Variants in GPC5 observed in about 807,000 individuals in gnomAD.
GPC5 encodes the protein glypican-5.
A neutral mutation model predicts 53.9 loss-of-function variants in GPC5; 47 were observed. The observed-to-expected ratio is 0.87, with a 90% CI of 0.69 to 1.11. The LOEUF (loss-of-function observed/expected upper bound fraction) is 1.11, where lower values mean the gene tolerates loss of function less well. GPC5 is among the 50% of genes most tolerant of loss of function. GPC5 has a pLI of 0.00. For missense variants in GPC5, 748 were observed against 713.1 expected (o/e 1.05, Z -0.56); for synonymous variants, 286 against 263.3 (o/e 1.09, Z -0.84).
chr13:92,862,315 T>C (rs1301661307), intron 7 of GPC5, among the ~76,000 whole-genome samples: 1 of 152,212 alleles, frequency 6.6e-6, no homozygotes, highest in East Asian at 1.9e-4. Flanking sequence ...TTCAACAATA[T>C]TAATTAAAAG....
chr13:91,666,540 C>A (rs149400292), intron 2 of GPC5, among the ~76,000 whole-genome samples: 124 of 152,122 alleles, frequency 8.2e-4, no homozygotes, highest in South Asian at 2.1e-3. Flanking sequence ...AATTGCATTT[C>A]ATTTACATAT....
chr13:92,337,145 A>G (rs1305286442), intron 7 of GPC5, among the ~76,000 whole-genome samples: 3 of 151,974 alleles, frequency 2.0e-5, no homozygotes. Context: ...TCTAGTGAAC[A>G]AATGTAATTT....
intron 6 of GPC5, among the ~76,000 whole-genome samples, chr13:92,054,155 TG>T (rs2041055420): frequency 2.0e-4 from 8 of 39,056 alleles, no homozygotes; most frequent in Non-Finnish European, 6.8e-5. Context: ...GAGGGGTGTG[TG>T]TGTGTGTGTG....
intron 7 of GPC5, among the ~76,000 whole-genome samples, chr13:92,151,523 A>T (rs563753518): frequency 3.3e-5 from 5 of 152,168 alleles, no homozygotes; most frequent in African/African-American, 4.8e-5. Context: ...TTGGAACTGT[A>T]ACACTTAGGC....
intron 4 of GPC5, among the ~76,000 whole-genome samples, chr13:91,743,184 A>G (rs975445948): frequency 6.6e-5 from 10 of 152,094 alleles, no homozygotes; most frequent in Non-Finnish European, 1.3e-4. Context: ...TTTCCTTTGG[A>G]AAGTCAGTAA....
chr13:92,757,176 C>A (rs575203600), intron 7 of GPC5, among the ~76,000 whole-genome samples: 4 of 152,156 alleles, frequency 2.6e-5, no homozygotes, highest in African/African-American at 4.8e-5. Flanking sequence ...GAAATAACGC[C>A]GCATATCTAC....
chr13:92,127,907 G>A (rs1441145086), intron 6 of GPC5, among the ~76,000 whole-genome samples: 1 of 152,028 alleles, frequency 6.6e-6, no homozygotes, highest in African/African-American at 2.4e-5. Flanking sequence ...TGTACACCAG[G>A]CCAGGAAATT....
chr13:92,464,133 C>T (rs1878599126), intron 7 of GPC5, among the ~76,000 whole-genome samples: 1 of 152,136 alleles, frequency 6.6e-6, no homozygotes, highest in Non-Finnish European at 1.5e-5. Context: ...CAAAGTTATA[C>T]AATTTATCAC....
At chr13:92,300,932 T>A (rs1353247548) in intron 7 of GPC5, among the ~76,000 whole-genome samples, 1 of 152,216 alleles carries the variant, frequency 6.6e-6, no homozygotes, top group Non-Finnish European at 1.5e-5. Context: ...TCCTGTTCCT[T>A]TTCATTGAAA....
chr13:92,451,795 G>C, intron 7 of GPC5, among the ~76,000 whole-genome samples: 1 of 152,122 alleles, frequency 6.6e-6, no homozygotes. Flanking sequence ...ATTGTCAAAG[G>C]TTGGGTCAGA....
intron 2 of GPC5, among the ~76,000 whole-genome samples, chr13:91,632,798 A>T (rs2034192207): frequency 6.6e-6 from 1 of 152,194 alleles, no homozygotes. Context: ...ATCCTGACAC[A>T]GGGCTATGTC....
intron 7 of GPC5, among the ~76,000 whole-genome samples, chr13:92,774,003 C>G (rs1174305509): frequency 1.3e-5 from 2 of 152,178 alleles, no homozygotes; most frequent in African/African-American, 2.4e-5. Context: ...CATCAGATCT[C>G]ATGAGACTTA....
intron 7 of GPC5, among the ~76,000 whole-genome samples, chr13:92,511,920 T>C (rs1880580564): frequency 6.6e-6 from 1 of 152,126 alleles, no homozygotes; most frequent in Non-Finnish European, 1.5e-5. Flanking sequence ...GAGTGCAGGC[T>C]GGAGAAGTGG....
intron 2 of GPC5, among the ~76,000 whole-genome samples, chr13:91,658,087 C>T (rs2034891114): frequency 6.6e-6 from 1 of 151,928 alleles, no homozygotes; most frequent in African/African-American, 2.4e-5. Context: ...CATATAAATA[C>T]ATATTAAAAT....
At chr13:92,398,490 A>G (rs191055002) in intron 7 of GPC5, among the ~76,000 whole-genome samples, 1 of 151,712 alleles carries the variant, frequency 6.6e-6, no homozygotes, top group Admixed American at 6.6e-5. Context: ...ATAACACAAT[A>G]GTTTGAAATT....
At chr13:92,753,746 G>C (rs1239740217) in intron 7 of GPC5, among the ~76,000 whole-genome samples, 2 of 151,866 alleles carry the variant, frequency 1.3e-5, no homozygotes, top group East Asian at 3.9e-4. Context: ...AAGATGAAAT[G>C]AATGAAATGA....
In GPC5 at chr13:92,164,375, C is replaced by T. The variant is rs145730493; in HGVS notation, c.1561+19386C>T. On this transcript the variant is annotated intron_variant, in intron 7 of 7. Coordinates refer to ENST00000377067, the MANE Select transcript of GPC5 (RefSeq NM_004466.6). The stretch of plus-strand genomic sequence containing the variant: ...ATTGGATAAATGTACCCATTCCAAA[C>T]GGGAGAAATTGGCCAAAATGAAGGG... Among the ~76,000 whole-genome samples, 267 of 152,214 alleles carry T rather than the reference C, an allele frequency of 1.8e-3. 1 individual carries two copies. The highest frequency in any genetic ancestry group is 0.014 in the Middle Eastern group (4 of 294).
chr13:92,044,358 C>G (rs1434370981), intron 6 of GPC5, among the ~76,000 whole-genome samples: 1 of 151,984 alleles, frequency 6.6e-6, no homozygotes, highest in Non-Finnish European at 1.5e-5. Context: ...TAGAAACAGC[C>G]CTGTACTGAG....
chr13:92,443,658 A>C (rs1349339661), intron 7 of GPC5, among the ~76,000 whole-genome samples: 3 of 152,204 alleles, frequency 2.0e-5, no homozygotes, highest in African/African-American at 7.2e-5. Context: ...TGAGAGTGAC[A>C]AAGGGGCAAG....
Sources: allele counts gnomAD v4.1 joint callset (sites outside exome capture counted in the v4.1 genomes callset), GRCh38; gene constraint gnomAD v4.1.1; transcripts MANE v1.5; gene names NCBI Gene and HGNC (gene_info 2026-07-23, HGNC 2026-07-21).